ZDHHC16: variants seen among roughly 807,000 people sequenced by gnomAD.
The protein encoded by ZDHHC16 is palmitoyltransferase ZDHHC16.
Under a neutral mutation model 54.4 loss-of-function variants are expected in ZDHHC16, and 33 were observed. The ratio of observed to expected loss-of-function variants is 0.61; its 90% CI spans 0.46 to 0.81. ZDHHC16 has a LOEUF of 0.81. ZDHHC16 is among the 30% of genes least tolerant of loss of function. ZDHHC16 has a pLI of 0.00. For synonymous variants in ZDHHC16, 185 were observed against 182.1 expected (o/e 1.02, Z -0.13); for missense variants, 420 against 485.9 (o/e 0.86, Z 1.28).
In ZDHHC16 at chr10:97,453,415, G is replaced by C. The variant is rs1306962260; in HGVS notation, c.557-115G>C. ...TCTTGCCTTTGGAAAGTAGTTCTTA[G>C]TGACTGGAAGCCTGAGGCTTGGGTG... On this transcript the variant is annotated intron_variant, in intron 6 of 11. Coordinates refer to ENST00000393760, the MANE Select transcript of ZDHHC16 (RefSeq NM_198046.3). The C allele has an allele frequency of 2.8e-6, 4 of 1,420,664 alleles. No individual in the cohort carries two copies. The African/African-American group carries it at 5.7e-5, about 20-fold the overall frequency. 88.0% of individuals were successfully genotyped at this position (1,420,664 alleles called of 1,614,324 possible).
chr10:97,449,224 GTT>G (rs11425114), intron 1 of ZDHHC16, among the ~76,000 whole-genome samples: 6 of 147,938 alleles, frequency 4.1e-5, no homozygotes, highest in African/African-American at 1.5e-4. Flanking sequence ...GAGAATAGAA[GTT>G]TTTTTTTTTT....
chr10:97,446,712 CT>C (rs1328892253), intron 1 of ZDHHC16, among the ~76,000 whole-genome samples: 2 of 152,164 alleles, frequency 1.3e-5, no homozygotes, highest in African/African-American at 4.8e-5. Context: ...GAAATAAAAC[CT>C]TTTCCCGGTT....
rs1430916278 is a variant in ZDHHC16 at position 97,452,174 on chromosome 10, TA to T, written c.329del (p.Tyr110SerfsTer17). On this transcript the variant is annotated frameshift_variant, in exon 4 of 12. Coordinates refer to ENST00000393760, the MANE Select transcript of ZDHHC16 (RefSeq NM_198046.3). LOFTEE classifies it high-confidence loss of function. ...TGTCCTGCCTCTCATCCTCCGAACC[TA>T]CTCAGTGCCACGACTCTGCTGGCAT... ...LCVLPLILRT[Y>X]SVPRLCWHFF... 6.8e-6 allele frequency: 11 copies of T among 1,614,130 alleles called. No individual in the cohort carries two copies. Among genetic ancestry groups the T allele is most frequent in the Non-Finnish European group, 9.3e-6 (11 of 1,180,028 alleles).
In ZDHHC16 at chr10:97,452,958, C is replaced by G. The variant is rs746024100; in HGVS notation, c.556+35C>G. ...TGCTTTCTCTTCTGCCTGAGGCCTT[C>G]TTTAGCTCCAGAGCACTGTACAGGG... On this transcript the variant is annotated intron_variant, in intron 6 of 11. Coordinates refer to ENST00000393760, the MANE Select transcript of ZDHHC16 (RefSeq NM_198046.3). The G allele has an allele frequency of 6.8e-6, 11 of 1,614,036 alleles. No homozygotes were observed. In the Admixed American group the frequency reaches 1.8e-4, roughly 27 times the overall value.
intron 1 of ZDHHC16, among the ~76,000 whole-genome samples, chr10:97,449,115 A>T (rs1380961105): frequency 6.6e-6 from 1 of 152,208 alleles, no homozygotes. Flanking sequence ...TTAGGGACAG[A>T]ATTGAACCCT....
chr10:97,454,486 T>C (rs1193997716), intron 8 of ZDHHC16, among the ~76,000 whole-genome samples: 1 of 152,212 alleles, frequency 6.6e-6, no homozygotes, highest in Non-Finnish European at 1.5e-5. Flanking sequence ...GGTCAGCTTC[T>C]CCTGTGCTTC....
intron 5 of ZDHHC16, 130 bp from the exon 6 acceptor site, chr10:97,452,765 A>G: frequency 1.6e-6 from 2 of 1,275,852 alleles, no homozygotes; most frequent in East Asian, 2.3e-5. Flanking sequence ...GGTTTGAAGC[A>G]AGGCCTGGCT....
intron 1 of ZDHHC16, among the ~76,000 whole-genome samples, chr10:97,449,214 G>C (rs1264777770): frequency 7.3e-6 from 1 of 136,588 alleles, no homozygotes; most frequent in African/African-American, 2.7e-5. Flanking sequence ...CTGAAAAGTG[G>C]AGAATAGAAG....
intron 9 of ZDHHC16, 23 bp from the exon 10 acceptor site, chr10:97,455,635 CCA>C: frequency 6.2e-7 from 1 of 1,614,244 alleles, no homozygotes; most frequent in Non-Finnish European, 8.5e-7. Context: ...AAACTACCCA[CCA>C]GTCTTCGCCC....
intron 8 of ZDHHC16, 40 bp from the exon 9 acceptor site, chr10:97,454,674 A>G (rs746540533): frequency 6.3e-7 from 1 of 1,586,830 alleles, no homozygotes; most frequent in South Asian, 1.1e-5. Flanking sequence ...CTGGAGACCC[A>G]CAGAGCAAAT....
In ZDHHC16 at chr10:97,451,896, A is replaced by G. The variant is rs537807113; in HGVS notation, c.221A>G (p.Asn74Ser). The G allele has an allele frequency of 5.0e-6, 8 of 1,613,056 alleles. No homozygotes were observed. Among genetic ancestry groups the G allele is most frequent in the Middle Eastern group, 1.7e-4 (1 of 6,054 alleles). The change falls in exon 3 of 12, where the codon AAC becomes AGC. Residue 74 changes from asparagine to serine, a missense_variant. Physicochemically the swap from Asn to Ser is conservative, Grantham distance 46. Coordinates refer to ENST00000393760, the MANE Select transcript of ZDHHC16 (RefSeq NM_198046.3). Reference protein sequence around the residue: ...AFEPVYWLVDNVIRWFGVVFV... With the variant: ...AFEPVYWLVDSVIRWFGVVFV... ...GAGCCTGTCTACTGGCTGGTAGACA[A>G]CGTGATCCGCTGGTTTGGAGTGGTG... is the stretch of plus-strand genomic sequence containing the variant.
Position 97,453,509 on chromosome 10 carries a change from CCTT to C in ZDHHC16, c.557-20_557-18del. 6.2e-7 allele frequency: 1 copy of C among 1,612,922 alleles called. No homozygotes were observed. The highest frequency in any genetic ancestry group is 1.1e-5 in the South Asian group (1 of 90,998). On this transcript the variant is annotated intron_variant, in intron 6 of 11. Transcript: ENST00000393760. ...GCCTGAAATTGTGTTTGATTCTAGT[CCTT>C]AATCATTTCCCAACCAGCCTGGCTA...
rs764927148 is a variant in ZDHHC16, at chr10:97,452,030, C to T, written c.244-60C>T. ...CCGGCCCCCACCCCCAGGGAAACTC[C>T]GAGTCTCCTTTGGGCATAGCTCTTG... On this transcript the variant is annotated intron_variant, in intron 3 of 11. Coordinates refer to ENST00000393760, the MANE Select transcript of ZDHHC16 (RefSeq NM_198046.3). The T allele has an allele frequency of 6.9e-6, 11 of 1,605,510 alleles. No individual in the cohort carries two copies. In the East Asian group the frequency reaches 1.1e-4, roughly 16 times the overall value.
In ZDHHC16 at chr10:97,451,806, TCTGC is replaced by T. The variant is rs1003716317; in HGVS notation, c.136_139del (p.Leu46AlafsTer26). ...GTACAGCGCTGGCGCTACGGCAAGG[TCTGC>T]CTGCGCTCCCTGCTCTACAACTCCT... On this transcript the variant is annotated frameshift_variant, in exon 3 of 12. Coordinates refer to ENST00000393760, the MANE Select transcript of ZDHHC16 (RefSeq NM_198046.3). LOFTEE classifies it high-confidence loss of function. The T allele has an allele frequency of 6.2e-7, 1 of 1,614,194 alleles. No individual in the cohort carries two copies. Among genetic ancestry groups the T allele is most frequent in the Non-Finnish European group, 8.5e-7 (1 of 1,180,046 alleles).
chr10:97,451,275 T>C (rs1846581435), intron 2 of ZDHHC16: 1 of 191,964 alleles, frequency 5.2e-6, no homozygotes, highest in African/African-American at 2.3e-5. Flanking sequence ...GTGGACAGCT[T>C]TGTCCATGTT....
At chr10:97,456,288 G>A (rs1847176167) in intron 11 of ZDHHC16, 2 of 496,764 alleles carry the variant, frequency 4.0e-6, no homozygotes, top group African/African-American at 1.9e-5. Flanking sequence ...TGCTCAGGAA[G>A]GGGCCTCTGG....
chr10:97,452,748 A>G (rs1846765575), intron 5 of ZDHHC16, 147 bp from the exon 6 acceptor site: 3 of 1,120,488 alleles, frequency 2.7e-6, no homozygotes, highest in Non-Finnish European at 4.0e-6. Flanking sequence ...ATTAAACTGC[A>G]GAGCTGGGTT....
intron 1 of ZDHHC16, among the ~76,000 whole-genome samples, chr10:97,449,861 C>CTTTTTTTTTTTTTTTTTTTTTTTTTT (rs35173837): frequency 3.7e-5 from 3 of 81,532 alleles, no homozygotes; most frequent in African/African-American, 1.8e-4. Flanking sequence ...CCCCTTAATT[C>CTTTTTTTTTTTTTTTTTTTTTTTTTT]TTTTTTTTTT....
At chr10:97,446,389 A>C (rs1376381928) in intron 1 of ZDHHC16, 36 bp downstream of exon 1, 1 of 315,862 alleles carries the variant, frequency 3.2e-6, no homozygotes, top group African/African-American at 2.3e-5. Flanking sequence ...TCCCCATCCT[A>C]GTCCCTTTTT....
Sources: gnomAD v4.1 joint callset for allele counts (sites outside exome capture counted in the v4.1 genomes callset) on GRCh38, gnomAD v4.1.1 for gene constraint, MANE v1.5 for transcripts, NCBI Gene and HGNC (gene_info 2026-07-23, HGNC 2026-07-21) for gene names.